UPB1: variants seen among roughly 807,000 people sequenced by gnomAD.
UPB1 encodes beta-ureidopropionase 1, also known as beta-ureidopropionase.
A neutral mutation model predicts 49.1 loss-of-function variants in UPB1; 40 were observed. That is an observed-to-expected ratio of 0.81 (90% CI 0.63 to 1.06). The LOEUF (loss-of-function observed/expected upper bound fraction) is 1.06. Among genes scored for constraint, UPB1 ranks in the 50% least tolerant of loss-of-function variants. UPB1 has a pLI of 0.00. For synonymous variants in UPB1, 207 were observed against 198.2 expected (o/e 1.04, Z -0.38); for missense variants, 499 against 505.9 (o/e 0.99, Z 0.13).
chr22:24,495,672 G>C (rs1333070260), intron 1 of UPB1, among the ~76,000 whole-genome samples, 165 bp downstream of exon 1: 4 of 152,100 alleles, frequency 2.6e-5, no homozygotes, highest in Admixed American at 1.3e-4. Context: ...ACGGCCCCGG[G>C]GTCCTTGGGG....
Position 24,523,716 on chromosome 22 carries a change from AG to A in UPB1, c.1015del (p.Val339LeufsTer6). On this transcript the variant is annotated frameshift_variant, in exon 9 of 10. Coordinates refer to ENST00000326010, the MANE Select transcript of UPB1 (RefSeq NM_016327.3). LOFTEE classifies it high-confidence loss of function. ...GLSRSRDGLL[V>X]AKLDLNLCQQ... ...TGTCCCGTAGCCGGGATGGACTGCT[AG>A]TTGCTAAGCTCGACCTAAACCTCTG... 1.2e-6 allele frequency: 2 copies of A among 1,614,274 alleles called. No individual in the cohort carries two copies. Among genetic ancestry groups the A allele is most frequent in the Non-Finnish European group, 1.7e-6 (2 of 1,180,046 alleles).
chr22:24,501,504 G>T (rs1306989902), intron 2 of UPB1, among the ~76,000 whole-genome samples: 1 of 152,234 alleles, frequency 6.6e-6, no homozygotes, highest in Admixed American at 6.5e-5. Flanking sequence ...AAGGCCAGGG[G>T]ATGCTGAGTT....
chr22:24,507,703 A>G (rs1012511569), intron 3 of UPB1, among the ~76,000 whole-genome samples: 3 of 152,176 alleles, frequency 2.0e-5, no homozygotes, highest in African/African-American at 7.2e-5. Flanking sequence ...TGATATGCAA[A>G]TGTCGGCAAT....
rs750057554 is a variant in UPB1, at chr22:24,502,145, G to A, written c.296G>A (p.Arg99His). 19 of 1,614,134 alleles carry A rather than the reference G, an allele frequency of 1.2e-5. No homozygotes were observed. Among genetic ancestry groups the A allele is most frequent in the Middle Eastern group, 1.6e-4 (1 of 6,062 alleles). Residue 99 changes from arginine (R) to histidine (H), a missense_variant, in exon 3 of 10, where the codon CGC (arginine) becomes CAC (histidine). Transcript: ENST00000326010. ...VAEQVSALHR[R>H]IKAIVEVAAM... ...TCTCAGGTCTCTGCCCTTCATAGACGCATAAAGGCTATCGTAGAGGTGGCT... is the reference window on the plus strand; with the variant it reads ...TCTCAGGTCTCTGCCCTTCATAGACACATAAAGGCTATCGTAGAGGTGGCT...
chr22:24,496,696 G>A (rs961273947), intron 1 of UPB1, among the ~76,000 whole-genome samples: 66 of 152,278 alleles, frequency 4.3e-4, no homozygotes, highest in African/African-American at 1.5e-3. Flanking sequence ...CCAGGTGAAG[G>A]AGGAGCAGGT....
intron 6 of UPB1, chr22:24,516,729 T>A (rs1413914441): frequency 6.6e-6 from 1 of 152,010 alleles, no homozygotes; most frequent in Non-Finnish European, 1.5e-5. Context: ...ATTTCTTCTT[T>A]TTTTTTTTTC....
rs183712999 is a variant in UPB1 at position 24,505,683 on chromosome 22, C to A, written c.364+3470C>A. ...CAGCCTCTTGGTGTGGAGAAAGGACCTGGATTTCTAACTGCTTCTTTTTTT... is the reference window on the plus strand; with the variant it reads ...CAGCCTCTTGGTGTGGAGAAAGGACATGGATTTCTAACTGCTTCTTTTTTT... On this transcript the variant is annotated intron_variant, in intron 3 of 9. Transcript: ENST00000326010. Among the ~76,000 whole-genome samples the A allele has an allele frequency of 3.4e-4, 51 of 152,196 alleles. 2 individuals carry two copies. In the South Asian group the frequency reaches 0.01, roughly 30 times the overall value.
intron 8 of UPB1, among the ~76,000 whole-genome samples, chr22:24,522,943 TAAAAAAAAA>T (rs747503249): frequency 1.5e-5 from 1 of 66,378 alleles, no homozygotes; most frequent in South Asian, 5.1e-4. Flanking sequence ...AAATGCCACC[TAAAAAAAAA>T]AAAAAAAAAA....
At chr22:24,524,176 T>C (rs2044444191) in intron 9 of UPB1, among the ~76,000 whole-genome samples, 1 of 152,208 alleles carries the variant, frequency 6.6e-6, no homozygotes, top group Admixed American at 6.5e-5. Context: ...GCCTTGACGA[T>C]AGCAGGAAAT....
intron 4 of UPB1, among the ~76,000 whole-genome samples, chr22:24,512,596 C>A (rs1031661958): frequency 6.6e-6 from 1 of 152,100 alleles, no homozygotes; most frequent in African/African-American, 2.4e-5. Context: ...GTGCACAGTT[C>A]AGTAGTGTAA....
At position 24,525,807 on chromosome 22, in the gene UPB1, C is replaced by A. The variant is rs754818745; in HGVS notation, c.*13C>A. ...CGTGAAAGAGTAGCCGGCTTCAGTGCCTGCCTTGGGGTGAGGAAGACACCT... is the reference window on the plus strand; with the variant it reads ...CGTGAAAGAGTAGCCGGCTTCAGTGACTGCCTTGGGGTGAGGAAGACACCT... On this transcript the variant is annotated 3_prime_UTR_variant, in exon 10 of 10. Transcript: ENST00000326010. 5.6e-6 allele frequency: 9 copies of A among 1,614,092 alleles called. No homozygotes were observed. Among genetic ancestry groups the A allele is most frequent in the Non-Finnish European group, 7.6e-6 (9 of 1,180,004 alleles).
At chr22:24,514,319 G>T (rs1052148991) in intron 5 of UPB1, among the ~76,000 whole-genome samples, 1 of 152,112 alleles carries the variant, frequency 6.6e-6, no homozygotes, top group Non-Finnish European at 1.5e-5. Flanking sequence ...ACAGCTGGAG[G>T]TGGGGGTGGG....
intron 3 of UPB1, among the ~76,000 whole-genome samples, chr22:24,504,725 T>C (rs957190886): frequency 1.1e-4 from 12 of 111,460 alleles, no homozygotes; most frequent in Admixed American, 7.5e-4. Context: ...ATTTCCTCCT[T>C]TTTTTTTTTT....
rs1286461726 is a variant in UPB1 at position 24,500,225 on chromosome 22, G to A, written c.223G>A (p.Gly75Arg). The change falls in exon 2 of 10, where the codon GGG becomes AGG. Residue 75 changes from glycine to arginine, a missense_variant. Physicochemically the swap from Gly to Arg is moderately radical, Grantham distance 125. Coordinates refer to ENST00000326010, the MANE Select transcript of UPB1 (RefSeq NM_016327.3). ...GAGACGACCCCGCATTGTGCACGTG[G>A]GGCTGGTTCAGAACAGAATCCCCCT... is the stretch of plus-strand genomic sequence containing the variant. Reference protein sequence around the residue: ...QLRRPRIVHVGLVQNRIPLPA... With the variant: ...QLRRPRIVHVRLVQNRIPLPA... The A allele has an allele frequency of 7.4e-6, 12 of 1,614,234 alleles. No homozygotes were observed. Among genetic ancestry groups the A allele is most frequent in the Non-Finnish European group, 9.3e-6 (11 of 1,180,050 alleles).
intron 6 of UPB1, chr22:24,518,024 G>A (rs1464344919): frequency 6.6e-6 from 1 of 152,296 alleles, no homozygotes; most frequent in Non-Finnish European, 1.5e-5. Flanking sequence ...AATTAGCCGG[G>A]CATGGTGGCA....
chr22:24,495,732 C>T (rs79402568), intron 1 of UPB1, among the ~76,000 whole-genome samples: 5,265 of 152,186 alleles, frequency 0.035, 134 homozygotes, highest in Non-Finnish European at 0.054. Context: ...CCCCACGTTG[C>T]CCAGAACCGG....
At chr22:24,508,106 T>C (rs1156667852) in intron 3 of UPB1, among the ~76,000 whole-genome samples, 4 of 152,198 alleles carry the variant, frequency 2.6e-5, no homozygotes, top group Non-Finnish European at 4.4e-5. Context: ...CTGTCTACAA[T>C]TGTTAATTCT....
Position 24,527,646 on chromosome 22 carries a change from A to G in UPB1, c.*1852A>G, listed in dbSNP as rs990159774. On this transcript the variant is annotated 3_prime_UTR_variant, in exon 10 of 10. Transcript: ENST00000326010. ...CCTTCACTGGCCCAGCAGCTGAACTATATGGAAACCTCCATGTCAGGGCTA... is the reference window on the plus strand; with the variant it reads ...CCTTCACTGGCCCAGCAGCTGAACTGTATGGAAACCTCCATGTCAGGGCTA... The G allele has an allele frequency of 6.6e-6, 1 of 152,274 alleles. No homozygotes were observed. The highest frequency in any genetic ancestry group is 2.4e-5 in the African/African-American group (1 of 41,560). 9.4% of individuals were successfully genotyped at this position (152,274 alleles called of 1,614,324 possible). A position where few individuals can be genotyped will look rare whatever the true frequency, so the allele number is the denominator to read the frequency against.
intron 3 of UPB1, among the ~76,000 whole-genome samples, chr22:24,508,219 A>G (rs757058912): frequency 6.6e-6 from 1 of 152,212 alleles, no homozygotes; most frequent in Non-Finnish European, 1.5e-5. Flanking sequence ...TAGCTGGAAC[A>G]ATAGCAGACA....
Sources: allele counts gnomAD v4.1 joint callset (sites outside exome capture counted in the v4.1 genomes callset), GRCh38; gene constraint gnomAD v4.1.1; transcripts MANE v1.5; gene names NCBI Gene and HGNC (gene_info 2026-07-23, HGNC 2026-07-21).